Variants in YIPF2 observed in about 807,000 individuals in gnomAD.
YIPF2 encodes protein YIPF2.
Under a neutral mutation model 38.8 loss-of-function variants are expected in YIPF2, and 30 were observed. The ratio of observed to expected loss-of-function variants is 0.77; its 90% CI spans 0.58 to 1.05. YIPF2 has a LOEUF of 1.05. Ranked by LOEUF, YIPF2 falls within the 50% of genes least tolerant of loss-of-function variation. The pLI, the probability that YIPF2 is intolerant of heterozygous loss-of-function variation, is 0.00. For synonymous variants in YIPF2, 194 were observed against 183.8 expected (o/e 1.06, Z -0.45); for missense variants, 401 against 409.7 (o/e 0.98, Z 0.18).
At position 10,923,648 on chromosome 19, in the gene YIPF2, C is replaced by T. The variant is rs750433260; in HGVS notation, c.681G>A (p.Leu227=). The change falls in exon 8 of 10, where the codon CTG becomes CTA. Residue 227 remains leucine, a synonymous_variant. Transcript: ENST00000586748. ...VVLWLIPVPW[L]QWLFGALALG... is the part of the protein sequence containing the mutation. ...GGGCCAGCGCCCCAAAGAGCCACTGCAGCCAAGGCACAGGGATGAGCCACA... is the reference window on the plus strand; with the variant it reads ...GGGCCAGCGCCCCAAAGAGCCACTGTAGCCAAGGCACAGGGATGAGCCACA... 83 of 1,611,832 alleles carry T rather than the reference C, an allele frequency of 5.1e-5. No homozygotes were observed. Among genetic ancestry groups the T allele is most frequent in the Non-Finnish European group, 6.9e-5 (81 of 1,178,866 alleles).
At chr19:10,926,942 T>G (rs2083434567) in intron 4 of YIPF2, among the ~76,000 whole-genome samples, 2 of 152,244 alleles carry the variant, frequency 1.3e-5, no homozygotes, top group African/African-American at 4.8e-5. Context: ...CGATCTTGGC[T>G]CACTGCAACC....
At position 10,925,755 on chromosome 19, in the gene YIPF2, C is replaced by T. The variant is rs768266566; in HGVS notation, c.298G>A (p.Gly100Ser). The T allele has an allele frequency of 7.4e-6, 12 of 1,613,704 alleles. 1 individual carries two copies. The South Asian group carries it at 1.3e-4, about 18-fold the overall frequency. Residue 100 changes from glycine to serine, a missense_variant, in exon 5 of 10, where the codon GGC (glycine) becomes AGC (serine). Gly to Ser is a moderately conservative substitution (Grantham distance 56). Coordinates refer to ENST00000586748, the MANE Select transcript of YIPF2 (RefSeq NM_001321439.2). Reference protein sequence around the residue: ...DTSQVLDRIKGSLLPRPGHNF... With the variant: ...DTSQVLDRIKSSLLPRPGHNF... The stretch of plus-strand genomic sequence containing the variant: ...TGGCCAGGCCGGGGCAGCAGTGAGC[C>T]TTTGATCCGGTCCAGGACCTGGGGG...
chr19:10,925,767 C>A lies in YIPF2; in HGVS notation c.286G>T (p.Asp96Tyr). Reference protein sequence around the residue: ...FFDVDTSQVLDRIKGSLLPRP... With the variant: ...FFDVDTSQVLYRIKGSLLPRP... Reference sequence around the variant, plus strand: ...GGCAGCAGTGAGCCTTTGATCCGGTCCAGGACCTGGGGGCAAGGCCAAGGT... The same window carrying A: ...GGCAGCAGTGAGCCTTTGATCCGGTACAGGACCTGGGGGCAAGGCCAAGGT... The change falls in exon 5 of 10, where the codon GAC becomes TAC. Residue 96 changes from aspartate (D) to tyrosine (Y), a missense_variant. Physicochemically the swap from Asp to Tyr is radical, Grantham distance 160. Transcript: ENST00000586748. The A allele has an allele frequency of 6.2e-7, 1 of 1,613,726 alleles. No homozygotes were observed. Among genetic ancestry groups the A allele is most frequent in the Non-Finnish European group, 8.5e-7 (1 of 1,179,996 alleles).
chr19:10,925,901 C>A (rs2145273450), intron 4 of YIPF2, 128 bp from the exon 5 acceptor site: 2 of 754,720 alleles, frequency 2.6e-6, no homozygotes, highest in Admixed American at 5.9e-5. Context: ...CAGCCTTTCC[C>A]TCTCTTTTTT....
At chr19:10,928,271 G>A (rs1268593128) in intron 2 of YIPF2, 109 bp downstream of exon 2, 4 of 1,282,422 alleles carry the variant, frequency 3.1e-6, no homozygotes, top group Non-Finnish European at 4.0e-6. Context: ...CCTGGGTCAG[G>A]GTTCACAGCC....
Position 10,928,533 on chromosome 19 carries a change from G to C in YIPF2, c.-53C>G. On this transcript the variant is annotated 5_prime_UTR_variant, in exon 1 of 10. Transcript: ENST00000586748. Reference sequence around the variant, plus strand: ...TACCTGGCGACCAACTGCACCCACGGAGGCTTGAACTCGTCGTCCCGTCCC... The same window carrying C: ...TACCTGGCGACCAACTGCACCCACGCAGGCTTGAACTCGTCGTCCCGTCCC... 1 of 1,263,186 alleles carries C rather than the reference G, an allele frequency of 7.9e-7. No homozygotes were observed. Among genetic ancestry groups the C allele is most frequent in the South Asian group, 2.1e-5 (1 of 47,852 alleles). 78.2% of individuals were successfully genotyped at this position (1,263,186 alleles called of 1,614,324 possible).
rs754784751 is a variant in YIPF2, at chr19:10,927,727, C to T, written c.193-11G>A. On this transcript the variant is annotated splice_polypyrimidine_tract_variant and intron_variant, in intron 3 of 9. Transcript: ENST00000586748. ...CTGCTCCTGCAGGAGCTGCACATTG[C>T]GGGCATTCAGTGCCTGCCCGGAGAG... 5 of 1,612,818 alleles carry T rather than the reference C, an allele frequency of 3.1e-6. No individual in the cohort carries two copies. Among genetic ancestry groups the T allele is most frequent in the South Asian group, 2.2e-5 (2 of 91,042 alleles).
At position 10,923,056 on chromosome 19, in the gene YIPF2, G is replaced by C; in HGVS notation, c.*138C>G. 6.1e-6 allele frequency: 3 copies of C among 493,002 alleles called. No homozygotes were observed. The highest frequency in any genetic ancestry group is 7.1e-6 in the Non-Finnish European group (2 of 282,132). 30.5% of individuals were successfully genotyped at this position (493,002 alleles called of 1,614,324 possible). ...AATCACCTTTGCATAGAAAATAAAA[G>C]TGTTTGCTTTGTAAGAAAAGTCTGG... On this transcript the variant is annotated 3_prime_UTR_variant, in exon 10 of 10. Coordinates refer to ENST00000586748, the MANE Select transcript of YIPF2 (RefSeq NM_001321439.2).
At chr19:10,927,333 C>G (rs1372679877) in intron 4 of YIPF2, among the ~76,000 whole-genome samples, 2 of 152,146 alleles carry the variant, frequency 1.3e-5, no homozygotes, top group Non-Finnish European at 2.9e-5. Flanking sequence ...ATGCTGTTCC[C>G]TGTGCCTGGA....
chr19:10,927,485 TCCATAAC>T (rs2083444432), intron 4 of YIPF2, 138 bp downstream of exon 4: 1 of 1,070,542 alleles, frequency 9.3e-7, no homozygotes, highest in African/African-American at 1.6e-5. Flanking sequence ...ATAGTCCCGA[TCCATAAC>T]CAGTCCCACC....
chr19:10,923,092 A>G lies in YIPF2; in HGVS notation c.*102T>C, dbSNP rs573342385. 1.9e-6 allele frequency: 1 copy of G among 538,622 alleles called. No homozygotes were observed. The highest frequency in any genetic ancestry group is 2.8e-5 in the South Asian group (1 of 36,222). The allele number at this position is 538,622 out of a possible 1,614,324, so 33.4% of individuals were successfully genotyped here. A position where few individuals can be genotyped will look rare whatever the true frequency, so the allele number is the denominator to read the frequency against. On this transcript the variant is annotated 3_prime_UTR_variant, in exon 10 of 10. Coordinates refer to ENST00000586748, the MANE Select transcript of YIPF2 (RefSeq NM_001321439.2). ...GTAAGAAAAGTCTGGAAAGTAGCAG[A>G]ATCATCTCAAGGTGTCAAAGGAGCC...
At position 10,923,503 on chromosome 19, in the gene YIPF2, C is replaced by T. The variant is rs750027012; in HGVS notation, c.826G>A (p.Gly276Ser). The T allele has an allele frequency of 8.7e-6, 14 of 1,612,780 alleles. No homozygotes were observed. Among genetic ancestry groups the T allele is most frequent in the Middle Eastern group, 1.6e-4 (1 of 6,080 alleles). The change falls in exon 8 of 10, where the codon GGC becomes AGC. Residue 276 changes from glycine to serine, a missense_variant. Gly to Ser is a moderately conservative substitution (Grantham distance 56). Coordinates refer to ENST00000586748, the MANE Select transcript of YIPF2 (RefSeq NM_001321439.2). ...CCACCCCAGACCCGTACCTTACAGC[C>T]CATGGCCAGGAGGGCGTGGAGCAGC... is the stretch of plus-strand genomic sequence containing the variant. ...VVLLHALLAMGCKLYFFQSLP... is the reference protein window; with the variant it reads ...VVLLHALLAMSCKLYFFQSLP...
In YIPF2 at chr19:10,927,644, C is replaced by T. The variant is rs1157032633; in HGVS notation, c.265G>A (p.Val89Met). Reference protein sequence around the residue: ...TFSYYQSFFDVDTSQVLDRIK... With the variant: ...TFSYYQSFFDMDTSQVLDRIK... ...CCCAGCCTGACCTGTGAGGTGTCCA[C>T]GTCAAAGAAGCTCTGATAGTAGCTG... is the stretch of plus-strand genomic sequence containing the variant. Residue 89 changes from valine to methionine, a missense_variant, in exon 4 of 10, where the codon GTG becomes ATG. By Grantham distance (21) the Val-to-Met change is conservative. Transcript: ENST00000586748. The T allele has an allele frequency of 3.1e-6, 5 of 1,613,858 alleles. No individual in the cohort carries two copies. Among genetic ancestry groups the T allele is most frequent in the East Asian group, 4.5e-5 (2 of 44,884 alleles).
At chr19:10,926,833 CTATTT>C (rs915467759) in intron 4 of YIPF2, among the ~76,000 whole-genome samples, 3 of 151,272 alleles carry the variant, frequency 2.0e-5, no homozygotes, top group Non-Finnish European at 4.4e-5. Flanking sequence ...GCTAATTTTT[CTATTT>C]TATTTTATTT....
At chr19:10,927,454 G>A in intron 4 of YIPF2, 176 bp downstream of exon 4, 1 of 822,864 alleles carries the variant, frequency 1.2e-6, no homozygotes, top group South Asian at 1.9e-5. Context: ...CCACCAGATT[G>A]TGTGTGTCCC....
intron 5 of YIPF2, among the ~76,000 whole-genome samples, chr19:10,925,043 C>G (rs1168963063): frequency 6.6e-6 from 1 of 152,024 alleles, no homozygotes; most frequent in Non-Finnish European, 1.5e-5. Flanking sequence ...ACCAGCCTGG[C>G]TAACACGGTG....
intron 5 of YIPF2, among the ~76,000 whole-genome samples, chr19:10,925,089 G>A (rs375779364): frequency 1.1e-4 from 16 of 152,050 alleles, no homozygotes; most frequent in South Asian, 1.0e-3. Flanking sequence ...AAAATCAGCC[G>A]GGCATGGTGG....
chr19:10,928,446 G>A lies in YIPF2; in HGVS notation c.-30-6C>T. 7.4e-7 allele frequency: 1 copy of A among 1,357,654 alleles called. No homozygotes were observed. The highest frequency in any genetic ancestry group is 9.5e-7 in the Non-Finnish European group (1 of 1,052,760). The allele number at this position is 1,357,654 out of a possible 1,614,324, so 84.1% of individuals were successfully genotyped here. On this transcript the variant is annotated splice_polypyrimidine_tract_variant and splice_region_variant and intron_variant, in intron 1 of 9. Transcript: ENST00000586748. ...GGGCGTCTCCGCATCCCTCGCTGAGGACAGAGACCGGTCAGGCACACTTCC... is the reference window on the plus strand; with the variant it reads ...GGGCGTCTCCGCATCCCTCGCTGAGAACAGAGACCGGTCAGGCACACTTCC...
rs1465697980 is a variant in YIPF2 at position 10,923,106 on chromosome 19, G to A, written c.*88C>T. 1 of 565,248 alleles carries A rather than the reference G, an allele frequency of 1.8e-6. No homozygotes were observed. Among genetic ancestry groups the A allele is most frequent in the African/African-American group, 1.9e-5 (1 of 52,060 alleles). 35.0% of individuals were successfully genotyped at this position (565,248 alleles called of 1,614,324 possible). A position where few individuals can be genotyped will look rare whatever the true frequency, so the allele number is the denominator to read the frequency against. On this transcript the variant is annotated 3_prime_UTR_variant, in exon 10 of 10. Coordinates refer to ENST00000586748, the MANE Select transcript of YIPF2 (RefSeq NM_001321439.2). ...GAAAGTAGCAGAATCATCTCAAGGT[G>A]TCAAAGGAGCCTTCAGTCATCGTCT...
Sources: gnomAD v4.1 joint callset for allele counts (sites outside exome capture counted in the v4.1 genomes callset) on GRCh38, gnomAD v4.1.1 for gene constraint, MANE v1.5 for transcripts, NCBI Gene and HGNC (gene_info 2026-07-23, HGNC 2026-07-21) for gene names.